The following TTC7A variants were observed in gnomAD, a reference collection of about 807,000 sequenced individuals.
TTC7A encodes tetratricopeptide repeat domain 7A, also known as tetratricopeptide repeat protein 7A.
Under a neutral mutation model 103.7 loss-of-function variants are expected in TTC7A, and 110 were observed. That is an observed-to-expected ratio of 1.06 (90% CI 0.91 to 1.24). TTC7A has a LOEUF of 1.24. Among genes scored for constraint, TTC7A ranks in the 50% most tolerant of loss-of-function variants. The pLI, the probability that TTC7A is intolerant of heterozygous loss-of-function variation, is 0.00. For missense variants in TTC7A, 1,340 were observed against 1,116.3 expected, an observed-to-expected ratio of 1.20 and a Z score of -2.86; for synonymous variants, 521 against 467.9, an observed-to-expected ratio of 1.11 and a Z score of -1.47.
intron 15 of TTC7A, among the ~76,000 whole-genome samples, chr2:47,031,367 T>G (rs372284446): frequency 3.7e-4 from 56 of 152,346 alleles, no homozygotes; most frequent in African/African-American, 1.3e-3. Context: ...GCCAGTAACC[T>G]TGCTTTGATC....
chr2:46,975,888 C>T (rs1008728027), intron 4 of TTC7A, among the ~76,000 whole-genome samples: 2 of 152,108 alleles, frequency 1.3e-5, no homozygotes, highest in African/African-American at 4.8e-5. Flanking sequence ...AGGCGCCTGC[C>T]ACCGTGCCCT....
chr2:46,996,940 G>C (rs1676252698), intron 8 of TTC7A, among the ~76,000 whole-genome samples: 1 of 151,882 alleles, frequency 6.6e-6, no homozygotes, highest in South Asian at 2.1e-4. Flanking sequence ...TCATCTGTCT[G>C]GAAACACAGA....
chr2:46,954,000 A>G (rs1166963559), intron 2 of TTC7A, among the ~76,000 whole-genome samples: 1 of 151,952 alleles, frequency 6.6e-6, no homozygotes, highest in African/African-American at 2.4e-5. Flanking sequence ...GGTGATCACA[A>G]CCCAGGCCTT....
intron 1 of TTC7A, among the ~76,000 whole-genome samples, chr2:46,945,277 G>T (rs1402713558): frequency 6.6e-6 from 1 of 151,912 alleles, no homozygotes. Flanking sequence ...TTTTTTAGAT[G>T]GAGTCTTGCT....
At chr2:46,982,657 C>G (rs544674174) in intron 5 of TTC7A, among the ~76,000 whole-genome samples, 37 of 152,300 alleles carry the variant, frequency 2.4e-4, no homozygotes, top group South Asian at 2.1e-4. Context: ...ACCCACCCAC[C>G]CATCCACCAG....
At chr2:47,004,779 C>G (rs1168493455) in intron 8 of TTC7A, among the ~76,000 whole-genome samples, 1 of 152,058 alleles carries the variant, frequency 6.6e-6, no homozygotes, top group African/African-American at 2.4e-5. Context: ...GTTACCATTT[C>G]TGGCCCCAGA....
chr2:46,939,072 T>C (rs1029942948), upstream of TTC7A, among the ~76,000 whole-genome samples: 4 of 150,796 alleles, frequency 2.7e-5, no homozygotes, highest in African/African-American at 9.7e-5. Flanking sequence ...AGCTGGGAGT[T>C]TAAGACCAGC....
chr2:47,052,039 G>A (rs1172842769), intron 18 of TTC7A, among the ~76,000 whole-genome samples, 159 bp downstream of exon 18: 2 of 152,232 alleles, frequency 1.3e-5, no homozygotes, highest in African/African-American at 4.8e-5. Flanking sequence ...CTCCTTCTCT[G>A]CCCAGTGGAG....
chr2:47,046,058 A>G (rs1682279090), intron 15 of TTC7A, among the ~76,000 whole-genome samples: 1 of 152,304 alleles, frequency 6.6e-6, no homozygotes, highest in Non-Finnish European at 1.5e-5. Flanking sequence ...TGGTCAGGGG[A>G]CACGGGGCAT....
At chr2:47,025,913 T>G (rs1217635410) in intron 14 of TTC7A, among the ~76,000 whole-genome samples, 8 of 152,234 alleles carry the variant, frequency 5.3e-5, no homozygotes, top group Admixed American at 5.2e-4. Flanking sequence ...CAACTTTATT[T>G]TTAGTTCCCT....
At chr2:46,917,210 G>T (rs1411345959) in exon 2 of TTC7A, 7 of 700,514 alleles carry the variant, frequency 1.0e-5, no homozygotes, top group Non-Finnish European at 1.6e-5. Flanking sequence ...TGCCCAGCTC[G>T]TCTCGAACTC....
At chr2:46,951,618 T>C (rs1244763399) in intron 2 of TTC7A, 1 of 454,576 alleles carries the variant, frequency 2.2e-6, no homozygotes, top group Admixed American at 2.4e-5. Context: ...GCTGTGTTAC[T>C]CAGGCTGGTC....
chr2:47,032,859 C>CAAAA (rs10586448), intron 15 of TTC7A, among the ~76,000 whole-genome samples: 4 of 87,932 alleles, frequency 4.5e-5, no homozygotes, highest in Non-Finnish European at 9.6e-5. Context: ...TTGTTTTAAG[C>CAAAA]AAAAAAAAAA....
chr2:46,959,035 T>A (rs1672151395), intron 3 of TTC7A, among the ~76,000 whole-genome samples: 1 of 152,074 alleles, frequency 6.6e-6, no homozygotes, highest in Non-Finnish European at 1.5e-5. Context: ...GAGTTAAGGT[T>A]GGAAGAAGTG....
chr2:47,043,251 G>T (rs963718678), intron 15 of TTC7A, among the ~76,000 whole-genome samples: 1 of 152,212 alleles, frequency 6.6e-6, no homozygotes, highest in African/African-American at 2.4e-5. Flanking sequence ...AGAAAGTTCT[G>T]CAGTGAACTA....
intron 2 of TTC7A, among the ~76,000 whole-genome samples, chr2:46,924,781 G>A (rs1359711939): frequency 1.3e-5 from 2 of 152,112 alleles, no homozygotes; most frequent in African/African-American, 4.8e-5. Flanking sequence ...CACACTGCCA[G>A]CACGCCTGGC....
Position 47,046,409 on chromosome 2 carries a change from C to G in TTC7A, c.1897C>G (p.Leu633Val). 1 of 1,614,078 alleles carries G rather than the reference C, an allele frequency of 6.2e-7. No homozygotes were observed. Residue 633 changes from leucine (L) to valine (V), a missense_variant, in exon 16 of 20, where the codon CTG (leucine) becomes GTG (valine). Leu to Val is a conservative substitution (Grantham distance 32). Transcript: ENST00000319190. ...ACAAGTGCTGAGGCTGTGGCAGACC[C>G]TGTACAGCTTCTCCCAGCTGGGGTG... ...CRQVLRLWQT[L>V]YSFSQLGGLE...
chr2:47,044,737 G>GA (rs757467285), intron 15 of TTC7A, among the ~76,000 whole-genome samples: 1 of 152,202 alleles, frequency 6.6e-6, no homozygotes. Context: ...CAGTGAGGAA[G>GA]AAAAATACTT....
At chr2:46,977,425 G>T (rs1673989111) in intron 4 of TTC7A, among the ~76,000 whole-genome samples, 1 of 152,180 alleles carries the variant, frequency 6.6e-6, no homozygotes, top group Admixed American at 6.5e-5. Flanking sequence ...AAAGGAAATG[G>T]TATACAGAAG....
Sources: gnomAD v4.1 joint callset for allele counts (sites outside exome capture counted in the v4.1 genomes callset) on GRCh38, gnomAD v4.1.1 for gene constraint, MANE v1.5 for transcripts, NCBI Gene and HGNC (gene_info 2026-07-23, HGNC 2026-07-21) for gene names.